The following NEDD4 variants were observed in gnomAD, a reference collection of about 807,000 sequenced individuals.
The protein encoded by NEDD4 is E3 ubiquitin-protein ligase NEDD4.
Under a neutral mutation model 144.9 loss-of-function variants are expected in NEDD4, and 99 were observed. The observed-to-expected ratio is 0.68, with a 90% CI of 0.58 to 0.81. The LOEUF (loss-of-function observed/expected upper bound fraction) is 0.81, where lower values mean the gene tolerates loss of function less well. NEDD4 is among the 30% of genes least tolerant of loss of function. The pLI is 0.00. For synonymous variants in NEDD4, 318 were observed against 350.6 expected (o/e 0.91, Z 1.04); for missense variants, 985 against 1,065.9 (o/e 0.92, Z 1.06).
In NEDD4 at chr15:55,833,020, C is replaced by G. The variant is rs746528761; in HGVS notation, c.2515G>C (p.Ala839Pro). Reference protein sequence around the residue: ...GTSRVPMNGFAELYGSNGPQS... With the variant: ...GTSRVPMNGFPELYGSNGPQS... ...GGAAAATCCTTACCGTATAGTTCAG[C>G]AAATCCATTCATAGGCACCCGAGAT... is the stretch of plus-strand genomic sequence containing the variant. The change falls in exon 27 of 29, where the codon GCT becomes CCT. Residue 839 changes from alanine (A) to proline (P), a missense_variant. Transcript: ENST00000435532. The G allele has an allele frequency of 3.1e-6, 5 of 1,611,060 alleles. No homozygotes were observed. The highest frequency in any genetic ancestry group is 4.2e-6 in the Non-Finnish European group (5 of 1,177,914).
At chr15:55,876,248 T>C (rs897208728) in intron 5 of NEDD4, among the ~76,000 whole-genome samples, 21 of 152,258 alleles carry the variant, frequency 1.4e-4, no homozygotes, top group African/African-American at 5.1e-4. Context: ...CTACAGAATA[T>C]GCTATAGGAA....
At position 55,951,540 on chromosome 15, in the gene NEDD4, T is replaced by A. The variant is rs1394345087; in HGVS notation, c.169A>T (p.Thr57Ser). Residue 57 changes from threonine to serine, a missense_variant, in exon 3 of 29, where the codon ACA (threonine) becomes TCA (serine). Coordinates refer to ENST00000435532, the MANE Select transcript of NEDD4 (RefSeq NM_006154.4). ...TTAATGGTTTTTGTTTGCACACTTGTAAGAACTCCATTCATTGGGTCATAT... is the reference window on the plus strand; with the variant it reads ...TTAATGGTTTTTGTTTGCACACTTGAAAGAACTCCATTCATTGGGTCATAT... ...TLYDPMNGVL[T>S]SVQTKTIKKS... 3 of 1,533,166 alleles carry A rather than the reference T, an allele frequency of 2.0e-6. No individual in the cohort carries two copies. 95.0% of individuals were successfully genotyped at this position (1,533,166 alleles called of 1,614,324 possible). A position where few individuals can be genotyped will look rare whatever the true frequency, so the allele number is the denominator to read the frequency against.
chr15:55,846,795 G>C (rs1383450249), intron 18 of NEDD4, among the ~76,000 whole-genome samples, 174 bp downstream of exon 18: 2 of 152,056 alleles, frequency 1.3e-5, no homozygotes, highest in Non-Finnish European at 2.9e-5. Context: ...AACTAATTAT[G>C]GTCTGTAGTG....
chr15:55,980,890 AAAACT>A (rs1273337049), intron 1 of NEDD4, among the ~76,000 whole-genome samples: 1 of 152,212 alleles, frequency 6.6e-6, no homozygotes, highest in African/African-American at 2.4e-5. Context: ...AGACATACAG[AAAACT>A]AAACCAAACA....
Position 55,873,982 on chromosome 15 carries a change from C to T in NEDD4, c.318G>A (p.Val106=), listed in dbSNP as rs1461756118. ...CCGGTAATGGATAAAGTGGAACATC[C>T]ACTTGACCTAGGAAATCATCTCTTG... ...RLTRDDFLGQ[V]DVPLYPLPTE... Residue 106 remains valine (V), a synonymous_variant, in exon 6 of 29, where the codon GTG becomes GTA. Coordinates refer to ENST00000435532, the MANE Select transcript of NEDD4 (RefSeq NM_006154.4). 2.6e-6 allele frequency: 4 copies of T among 1,546,306 alleles called. No homozygotes were observed. The highest frequency in any genetic ancestry group is 2.4e-5 in the East Asian group (1 of 41,648).
At chr15:55,943,655 C>A (rs1203761402) in intron 4 of NEDD4, among the ~76,000 whole-genome samples, 3 of 152,210 alleles carry the variant, frequency 2.0e-5, no homozygotes, top group African/African-American at 7.2e-5. Context: ...ACACAGAAGT[C>A]TGGATATTGC....
chr15:55,873,798 C>T lies in NEDD4; in HGVS notation c.342+160G>A, dbSNP rs187178321. 2.2e-4 allele frequency among the ~76,000 whole-genome samples: 33 copies of T among 151,744 alleles called. No individual in the cohort carries two copies. In the East Asian group the frequency reaches 4.3e-3, roughly 20 times the overall value. On this transcript the variant is annotated intron_variant, in intron 6 of 28. Transcript: ENST00000435532. ...GGAAATCTTAAAGAGAAAATGGAAA[C>T]GGAAAATTGAAATGAGTTTTTAGAA...
At chr15:55,966,644 T>C (rs571277587) in intron 1 of NEDD4, 98 bp from the exon 2 acceptor site, 10 of 488,718 alleles carry the variant, frequency 2.0e-5, no homozygotes, top group African/African-American at 1.6e-4. Flanking sequence ...AATTAGGATA[T>C]TAAAATTAAT....
chr15:55,974,238 A>G (rs2037662368), intron 1 of NEDD4, among the ~76,000 whole-genome samples: 2 of 152,154 alleles, frequency 1.3e-5, no homozygotes, highest in African/African-American at 2.4e-5. Context: ...CAAAACATAA[A>G]AAGACCAGTA....
intron 5 of NEDD4, among the ~76,000 whole-genome samples, chr15:55,902,508 G>A (rs56914055): frequency 0.14 from 21,836 of 152,114 alleles, 1,716 homozygotes; most frequent in East Asian, 0.36. Flanking sequence ...TAGAAAAAAG[G>A]AGAAGCGAGG....
At chr15:55,864,491 GA>G (rs1188740373) in intron 8 of NEDD4, among the ~76,000 whole-genome samples, 1 of 152,044 alleles carries the variant, frequency 6.6e-6, no homozygotes, top group East Asian at 1.9e-4. Flanking sequence ...AGACCAGCCT[GA>G]CCAACATGGA....
chr15:55,947,341 A>G (rs2037136002), intron 4 of NEDD4, among the ~76,000 whole-genome samples: 1 of 152,238 alleles, frequency 6.6e-6, no homozygotes, highest in Admixed American at 6.5e-5. Context: ...CACCAATCCC[A>G]CAGAAATACA....
intron 2 of NEDD4, among the ~76,000 whole-genome samples, chr15:55,956,653 A>G (rs2037343139): frequency 6.6e-6 from 1 of 152,066 alleles, no homozygotes; most frequent in Non-Finnish European, 1.5e-5. Flanking sequence ...TACACTCTCC[A>G]TTCCACTGAA....
intron 5 of NEDD4, among the ~76,000 whole-genome samples, chr15:55,896,607 A>G (rs1566938272): frequency 6.6e-6 from 1 of 152,138 alleles, no homozygotes; most frequent in Non-Finnish European, 1.5e-5. Flanking sequence ...CTCCAACCAG[A>G]CGGTAAATTC....
At chr15:55,833,959 G>C in intron 26 of NEDD4, 79 bp downstream of exon 26, 1 of 1,008,578 alleles carries the variant, frequency 9.9e-7, no homozygotes, top group Non-Finnish European at 1.5e-6. Flanking sequence ...TAATCCACCA[G>C]TATAGTTAAT....
At chr15:55,943,031 T>C (rs2037036518) in intron 4 of NEDD4, among the ~76,000 whole-genome samples, 1 of 152,218 alleles carries the variant, frequency 6.6e-6, no homozygotes, top group South Asian at 2.1e-4. Context: ...GCTCTAGAAA[T>C]CTGTGGAACT....
intron 4 of NEDD4, among the ~76,000 whole-genome samples, chr15:55,939,151 A>G (rs538202413): frequency 6.6e-6 from 1 of 151,846 alleles, no homozygotes; most frequent in African/African-American, 2.4e-5. Flanking sequence ...ACCAACAATA[A>G]TATGGTTTGG....
intron 5 of NEDD4, among the ~76,000 whole-genome samples, chr15:55,922,977 T>C (rs1330368302): frequency 1.3e-5 from 2 of 151,998 alleles, no homozygotes. Context: ...TGTTTCCATC[T>C]AGAAGGGACC....
chr15:55,833,719 T>G (rs1410109851), intron 26 of NEDD4, among the ~76,000 whole-genome samples: 2 of 152,172 alleles, frequency 1.3e-5, no homozygotes. Context: ...TGAGAAATTT[T>G]AAAAGAGCCA....
Sources: gnomAD v4.1 joint callset for allele counts (sites outside exome capture counted in the v4.1 genomes callset) on GRCh38, gnomAD v4.1.1 for gene constraint, MANE v1.5 for transcripts, NCBI Gene and HGNC (gene_info 2026-07-23, HGNC 2026-07-21) for gene names.